The following TRIP12 variants were observed in gnomAD, a reference collection of about 807,000 sequenced individuals.
TRIP12 encodes thyroid hormone receptor interactor 12.
TRIP12 carries 25 observed loss-of-function variants against 244.2 expected under a neutral mutation model. The ratio of observed to expected loss-of-function variants is 0.10; its 90% CI spans 0.07 to 0.14. The LOEUF is 0.14. Ranked by LOEUF, TRIP12 falls within the 10% of genes least tolerant of loss-of-function variation. The pLI, the probability that TRIP12 is intolerant of heterozygous loss-of-function variation, is 1.00. For synonymous variants in TRIP12, 905 were observed against 873.1 expected, an observed-to-expected ratio of 1.04 and a Z score of -0.64; for missense variants, 1,677 against 2,486.4, an observed-to-expected ratio of 0.67 and a Z score of 6.92.
rs941411540 is a variant in TRIP12, at chr2:229,805,722, G to T, written c.2650+8C>A. On this transcript the variant is annotated splice_region_variant and intron_variant, in intron 18 of 41. Transcript: ENST00000675903. ...GTATAGTGCTATTTTAACTCAGAAT[G>T]TACTTACTAGTGTTACTATTGGCTA... 5 of 1,575,120 alleles carry T rather than the reference G, an allele frequency of 3.2e-6. No homozygotes were observed. The South Asian group carries it at 5.7e-5, about 18-fold the overall frequency.
intron 1 of TRIP12, among the ~76,000 whole-genome samples, chr2:229,918,455 T>G (rs900995349): frequency 6.6e-6 from 1 of 152,232 alleles, no homozygotes; most frequent in Non-Finnish European, 1.5e-5. Flanking sequence ...AAGAAAACAG[T>G]GACCAAGATT....
At position 229,796,777 on chromosome 2, in the gene TRIP12, A is replaced by G; in HGVS notation, c.3630T>C (p.Asp1210=). The G allele has an allele frequency of 6.4e-7, 1 of 1,573,852 alleles. No individual in the cohort carries two copies. The highest frequency in any genetic ancestry group is 8.6e-7 in the Non-Finnish European group (1 of 1,165,138). ...TTTCTACAAGGCACTCAGCTCCACC[A>G]TCCACCTGAAAGAGTTAGGAAAAGT... ...AATEQLNLQV[D]GGAECLVEIR... is the part of the protein sequence containing the mutation. Residue 1210 remains aspartate, a synonymous_variant, in exon 25 of 42, where the codon GAT becomes GAC. Transcript: ENST00000675903.
chr2:229,851,195 C>T (rs952542416), intron 4 of TRIP12, among the ~76,000 whole-genome samples: 1 of 152,182 alleles, frequency 6.6e-6, no homozygotes, highest in Non-Finnish European at 1.5e-5. Context: ...CTGGTGGGGA[C>T]GTGGAGAACC....
Position 229,883,463 on chromosome 2 carries a change from G to A in TRIP12, c.-49-3335C>T, listed in dbSNP as rs189243715. ...TGCTAAAAGTTATGTTTTCATAGCC[G>A]GTAGTGAATATGAACTCGAAGATTC... On this transcript the variant is annotated intron_variant, in intron 1 of 41. Transcript: ENST00000675903. Among the ~76,000 whole-genome samples, 486 of 152,252 alleles carry A rather than the reference G, an allele frequency of 3.2e-3. 3 individuals carry two copies. The highest frequency in any genetic ancestry group is 0.011 in the African/African-American group (471 of 41,544).
chr2:229,865,318 C>CAA (rs767610234), intron 2 of TRIP12, among the ~76,000 whole-genome samples: 81 of 66,584 alleles, frequency 1.2e-3, no homozygotes, highest in Middle Eastern at 7.2e-3. Flanking sequence ...CTCTCAACTA[C>CAA]AAAAAAAAAA....
chr2:229,815,400 TG>T, intron 9 of TRIP12, 92 bp from the exon 10 acceptor site: 3 of 744,250 alleles, frequency 4.0e-6, no homozygotes, highest in Admixed American at 3.2e-5. Context: ...TCAACTGAAA[TG>T]GAAGTATTAT....
chr2:229,891,019 T>C (rs2067219629), intron 1 of TRIP12, among the ~76,000 whole-genome samples: 1 of 152,188 alleles, frequency 6.6e-6, no homozygotes. Flanking sequence ...GTCTCATGCC[T>C]ATAATCCCAG....
chr2:229,813,542 G>A (rs757068488), intron 13 of TRIP12, among the ~76,000 whole-genome samples: 1 of 152,184 alleles, frequency 6.6e-6, no homozygotes, highest in Non-Finnish European at 1.5e-5. Flanking sequence ...CCAGCACTAT[G>A]GGGGGCTGAG....
rs1263793314 is a variant in TRIP12 at position 229,909,982 on chromosome 2, A to G, written c.-50+11898T>C. On this transcript the variant is annotated intron_variant, in intron 1 of 41. Transcript: ENST00000675903. ...TTTCTAGGTTTGAGAGTATTGCTACATGCAATTCAAGCAACACCTTTAAGA... is the reference window on the plus strand; with the variant it reads ...TTTCTAGGTTTGAGAGTATTGCTACGTGCAATTCAAGCAACACCTTTAAGA... Among the ~76,000 whole-genome samples, 13 of 152,238 alleles carry G rather than the reference A, an allele frequency of 8.5e-5. 1 individual carries two copies. Among genetic ancestry groups the G allele is most frequent in the Admixed American group, 8.5e-4 (13 of 15,284 alleles).
At chr2:229,799,142 T>C (rs577642766) in intron 22 of TRIP12, 93 bp from the exon 23 acceptor site, 1 of 1,542,454 alleles carries the variant, frequency 6.5e-7, no homozygotes, top group East Asian at 2.2e-5. Context: ...AACAGATTAA[T>C]TAACTGAAAG....
intron 1 of TRIP12, among the ~76,000 whole-genome samples, chr2:229,908,694 C>CTA (rs2073548389): frequency 6.6e-6 from 1 of 151,506 alleles, no homozygotes; most frequent in South Asian, 2.1e-4. Flanking sequence ...GATTGCGCCA[C>CTA]TACACTCCAG....
In TRIP12 at chr2:229,810,870, T is replaced by C. The variant is rs2047100097; in HGVS notation, c.2221+10A>G. On this transcript the variant is annotated intron_variant, in intron 15 of 41. Coordinates refer to ENST00000675903, the MANE Select transcript of TRIP12 (RefSeq NM_001348323.3). ...TCCTGCTTAAAGTAGAACAGTAAAT[T>C]TGCACTTACTTTGTTTCATAAGTTG... 5 of 1,612,470 alleles carry C rather than the reference T, an allele frequency of 3.1e-6. No individual in the cohort carries two copies. Among genetic ancestry groups the C allele is most frequent in the Non-Finnish European group, 4.2e-6 (5 of 1,179,420 alleles).
chr2:229,890,419 A>C (rs1051721469), intron 1 of TRIP12, among the ~76,000 whole-genome samples: 3 of 152,164 alleles, frequency 2.0e-5, no homozygotes, highest in Admixed American at 2.0e-4. Flanking sequence ...TAACTCTTTA[A>C]CATAGTTCAG....
At chr2:229,814,510 G>T in intron 11 of TRIP12, 185 bp from the exon 12 acceptor site, 1 of 486,824 alleles carries the variant, frequency 2.1e-6, no homozygotes. Context: ...CTTCTAACCA[G>T]TTTGCAGTTC....
chr2:229,775,406 A>T (rs952492386), intron 37 of TRIP12, among the ~76,000 whole-genome samples: 2 of 151,228 alleles, frequency 1.3e-5, no homozygotes, highest in Non-Finnish European at 2.9e-5. Context: ...AAAAAAAAGA[A>T]AGTTCTCCAT....
At chr2:229,856,191 G>C (rs917720379) in intron 4 of TRIP12, among the ~76,000 whole-genome samples, 1 of 152,206 alleles carries the variant, frequency 6.6e-6, no homozygotes, top group African/African-American at 2.4e-5. Context: ...TGAGAGATCA[G>C]AACTGGGATA....
At position 229,811,276 on chromosome 2, in the gene TRIP12, T is replaced by C. The variant is rs904641225; in HGVS notation, c.1987-72A>G. On this transcript the variant is annotated intron_variant, in intron 13 of 41. Transcript: ENST00000675903. Reference sequence around the variant, plus strand: ...TTCACTGTCATGTATCACTACTTTATCTTCCTCCTAACCCCAGATTCTTCA... The same window carrying C: ...TTCACTGTCATGTATCACTACTTTACCTTCCTCCTAACCCCAGATTCTTCA... The C allele has an allele frequency of 5.7e-5, 83 of 1,452,036 alleles. No individual in the cohort carries two copies. The South Asian group carries it at 1.0e-3, about 18-fold the overall frequency. The allele number at this position is 1,452,036 out of a possible 1,614,324, so 89.9% of individuals were successfully genotyped here.
At chr2:229,820,091 G>A (rs1244643738) in intron 8 of TRIP12, among the ~76,000 whole-genome samples, 2 of 152,048 alleles carry the variant, frequency 1.3e-5, no homozygotes, top group African/African-American at 4.8e-5. Flanking sequence ...AATGTGGAAG[G>A]AAAAACAAAA....
chr2:229,915,142 C>T (rs919373434), intron 1 of TRIP12, among the ~76,000 whole-genome samples: 5 of 152,070 alleles, frequency 3.3e-5, no homozygotes, highest in African/African-American at 4.8e-5. Flanking sequence ...ATCCCGGCTA[C>T]TCGGGAGGCT....
Sources: gnomAD v4.1 joint callset for allele counts (sites outside exome capture counted in the v4.1 genomes callset) on GRCh38, gnomAD v4.1.1 for gene constraint, MANE v1.5 for transcripts, NCBI Gene and HGNC (gene_info 2026-07-23, HGNC 2026-07-21) for gene names.